Variants in ADCY7 observed in about 807,000 individuals in gnomAD.
The protein encoded by ADCY7 is adenylate cyclase 7.
A neutral mutation model predicts 120.6 loss-of-function variants in ADCY7; 72 were observed. The observed-to-expected ratio is 0.60, with a 90% confidence interval of 0.49 to 0.73. The LOEUF (loss-of-function observed/expected upper bound fraction) is 0.73. Ranked by LOEUF, ADCY7 falls within the 30% of genes least tolerant of loss-of-function variation. ADCY7 has a pLI of 0.00. For missense variants in ADCY7, 1,227 were observed against 1,486.0 expected (o/e 0.83, Z 2.87); for synonymous variants, 661 against 628.0 (o/e 1.05, Z -0.78).
rs529124262 is a variant in ADCY7 at position 50,247,197 on chromosome 16, G to A, written c.-64+994G>A. Reference sequence around the variant, plus strand: ...GGTTCAGTGAATGCCTTCAAACGTGGGCAGGTGCCCTTGTAGAAGGGAGTT... The same window carrying A: ...GGTTCAGTGAATGCCTTCAAACGTGAGCAGGTGCCCTTGTAGAAGGGAGTT... On this transcript the variant is annotated intron_variant, in intron 1 of 4. Transcript: ENST00000564044. Among the ~76,000 whole-genome samples the A allele has an allele frequency of 5.3e-5, 8 of 152,332 alleles. No individual in the cohort carries two copies. The South Asian group carries it at 1.7e-3, about 32-fold the overall frequency.
Position 50,311,863 on chromosome 16 carries a change from G to A in ADCY7, c.2448+77G>A. On this transcript the variant is annotated intron_variant, in intron 20 of 25. Transcript: ENST00000673801. ...CCTCCATCTGGAGATGGGGTGGGGT[G>A]GGGTGGGCTCAGGTGGAGTAGCAGA... 1.4e-6 allele frequency: 2 copies of A among 1,399,720 alleles called. 1 individual carries two copies. Among genetic ancestry groups the A allele is most frequent in the South Asian group, 2.3e-5 (2 of 85,852 alleles). 86.7% of individuals were successfully genotyped at this position (1,399,720 alleles called of 1,614,324 possible). A position where few individuals can be genotyped will look rare whatever the true frequency, so the allele number is the denominator to read the frequency against.
Position 50,305,537 on chromosome 16 carries a change from T to A in ADCY7, c.1630T>A (p.Ser544Thr), listed in dbSNP as rs1394994354. ...CCCCAAGGGGCGGTCGGAGGATGAC[T>A]CGTACGATGACGAGATGCTGTCAGC... ...MSPKGRSEDDSYDDEMLSAIE... is the reference protein window; with the variant it reads ...MSPKGRSEDDTYDDEMLSAIE... The change falls in exon 13 of 26, where the codon TCG becomes ACG. Residue 544 changes from serine (S) to threonine (T), a missense_variant. Ser to Thr is a moderately conservative substitution (Grantham distance 58). Coordinates refer to ENST00000673801, the MANE Select transcript of ADCY7 (RefSeq NM_001114.5). 6.2e-7 allele frequency: 1 copy of A among 1,610,176 alleles called. No homozygotes were observed. The highest frequency in any genetic ancestry group is 1.1e-5 in the South Asian group (1 of 90,456).
rs2036829248 is a variant in ADCY7, at chr16:50,316,989, A to C, written c.*1484A>C. On this transcript the variant is annotated 3_prime_UTR_variant, in exon 26 of 26. Transcript: ENST00000673801. ...TACAGGGTTGCAGATTGGGTGACTG[A>C]CCAGACTTGTTGGGGTCCTGGGATG... The C allele has an allele frequency of 6.5e-6, 1 of 152,734 alleles. No homozygotes were observed. The highest frequency in any genetic ancestry group is 1.5e-5 in the Non-Finnish European group (1 of 68,028). 9.5% of individuals were successfully genotyped at this position (152,734 alleles called of 1,614,324 possible). A position where few individuals can be genotyped will look rare whatever the true frequency, so the allele number is the denominator to read the frequency against.
At chr16:50,298,092 C>A (rs1407066943) in intron 7 of ADCY7, among the ~76,000 whole-genome samples, 1 of 152,066 alleles carries the variant, frequency 6.6e-6, no homozygotes, top group Non-Finnish European at 1.5e-5. Flanking sequence ...CGCCGCTCTC[C>A]TACTCTGCCC....
intron 18 of ADCY7, among the ~76,000 whole-genome samples, chr16:50,309,993 C>T (rs998556482): frequency 6.6e-6 from 1 of 152,112 alleles, no homozygotes; most frequent in African/African-American, 2.4e-5. Flanking sequence ...CAGGGAGGGG[C>T]TTCATTAGGT....
At chr16:50,268,243 T>C (rs939545125) in intron 1 of ADCY7, among the ~76,000 whole-genome samples, 3 of 151,964 alleles carry the variant, frequency 2.0e-5, no homozygotes, top group Non-Finnish European at 4.4e-5. Context: ...GGACTACAGT[T>C]ACCACACCAC....
At position 50,275,339 on chromosome 16, in the gene ADCY7, T is replaced by C. The variant is rs952754073; in HGVS notation, c.-269+8659T>C. Among the ~76,000 whole-genome samples, 3 of 152,236 alleles carry C rather than the reference T, an allele frequency of 2.0e-5. No homozygotes were observed. The East Asian group carries it at 5.8e-4, about 29-fold the overall frequency. The stretch of plus-strand genomic sequence containing the variant: ...AGGTGGGTAAGTGGGGCCCCCAGCA[T>C]TAAAGAGCTTCATAGGCTGTCAATT... On this transcript the variant is annotated intron_variant, in intron 1 of 25. Transcript: ENST00000673801.
rs1339833878 is a variant in ADCY7 at position 50,291,676 on chromosome 16, G to A, written c.376-60G>A. 14 of 1,606,318 alleles carry A rather than the reference G, an allele frequency of 8.7e-6. No homozygotes were observed. The East Asian group carries it at 3.1e-4, about 36-fold the overall frequency. On this transcript the variant is annotated intron_variant, in intron 3 of 25. Coordinates refer to ENST00000673801, the MANE Select transcript of ADCY7 (RefSeq NM_001114.5). ...TGGGCTGCTGTGGTGCAGGGTTCCGGGGGCTGTACGGCCTGGGGCAGCATC... is the reference window on the plus strand; with the variant it reads ...TGGGCTGCTGTGGTGCAGGGTTCCGAGGGCTGTACGGCCTGGGGCAGCATC...
At chr16:50,275,971 C>G (rs2033863547) in intron 1 of ADCY7, among the ~76,000 whole-genome samples, 1 of 152,198 alleles carries the variant, frequency 6.6e-6, no homozygotes, top group African/African-American at 2.4e-5. Context: ...TGGTTTTTGG[C>G]CCAGTTTGTC....
chr16:50,278,872 CTCT>C (rs1379998907), intron 1 of ADCY7, among the ~76,000 whole-genome samples: 2,960 of 96,392 alleles, frequency 0.031, 79 homozygotes, highest in East Asian at 0.092. Flanking sequence ...CTCTCTCTCT[CTCT>C]TTTTTTTTTT....
At chr16:50,248,780 GT>G (rs1181841500) in intron 1 of ADCY7, among the ~76,000 whole-genome samples, 1 of 152,228 alleles carries the variant, frequency 6.6e-6, no homozygotes, top group African/African-American at 2.4e-5. Flanking sequence ...GCTGATGCCA[GT>G]TTCTGAATTT....
intron 1 of ADCY7, among the ~76,000 whole-genome samples, chr16:50,247,923 G>A (rs2032639753): frequency 6.6e-6 from 1 of 152,140 alleles, no homozygotes; most frequent in African/African-American, 2.4e-5. Context: ...AGCAGGGAGA[G>A]CTGAGGCTGC....
At position 50,289,943 on chromosome 16, in the gene ADCY7, C is replaced by A. The variant is rs1267522608; in HGVS notation, c.172-514C>A. On this transcript the variant is annotated intron_variant, in intron 2 of 25. Transcript: ENST00000673801. ...CTGTGTGCCAGCCCCCAGATCAGGC[C>A]TCTGCCCCCACGGACCTCCCGGATG... Among the ~76,000 whole-genome samples, 4 of 152,352 alleles carry A rather than the reference C, an allele frequency of 2.6e-5. No individual in the cohort carries two copies. The East Asian group carries it at 7.7e-4, about 29-fold the overall frequency.
At chr16:50,306,097 G>C (rs1222743792) in intron 14 of ADCY7, among the ~76,000 whole-genome samples, 2 of 152,224 alleles carry the variant, frequency 1.3e-5, no homozygotes, top group East Asian at 3.9e-4. Flanking sequence ...GGGTCTGCAA[G>C]ACTTTTGCTC....
intron 21 of ADCY7, 42 bp downstream of exon 21, chr16:50,312,233 G>C: frequency 6.2e-7 from 1 of 1,607,968 alleles, no homozygotes; most frequent in Non-Finnish European, 8.5e-7. Flanking sequence ...GGAGGCGGAC[G>C]GTCCAGGCGC....
intron 1 of ADCY7, among the ~76,000 whole-genome samples, chr16:50,268,617 G>A (rs551024361): frequency 2.0e-5 from 3 of 152,292 alleles, no homozygotes; most frequent in East Asian, 3.9e-4. Flanking sequence ...GCTGTTTTCC[G>A]GGTGATGAGG....
At chr16:50,285,147 A>G (rs8057103) in intron 1 of ADCY7, among the ~76,000 whole-genome samples, 2,619 of 152,378 alleles carry the variant, frequency 0.017, 69 homozygotes, top group African/African-American at 0.06. Flanking sequence ...AGCTGCCAAC[A>G]TTTAAAAATC....
At position 50,298,021 on chromosome 16, in the gene ADCY7, C is replaced by T. The variant is rs150154750; in HGVS notation, c.949-883C>T. Among the ~76,000 whole-genome samples, 52 of 152,142 alleles carry T rather than the reference C, an allele frequency of 3.4e-4. 3 individuals are homozygous for T. The highest frequency in any genetic ancestry group is 1.3e-3 in the African/African-American group (52 of 41,492). On this transcript the variant is annotated intron_variant, in intron 7 of 25. Coordinates refer to ENST00000673801, the MANE Select transcript of ADCY7 (RefSeq NM_001114.5). ...TGACGCAGCAGTGCCTCAGATGAACCTCAGAGGGCTCTCGGGGGTCCCCTT... is the reference window on the plus strand; with the variant it reads ...TGACGCAGCAGTGCCTCAGATGAACTTCAGAGGGCTCTCGGGGGTCCCCTT...
At chr16:50,312,277 A>G in intron 21 of ADCY7, 86 bp downstream of exon 21, 1 of 1,499,516 alleles carries the variant, frequency 6.7e-7, no homozygotes. Flanking sequence ...GCTGGAGTGC[A>G]TGCTGAGCTT....
Sources: gnomAD v4.1 joint callset for allele counts (sites outside exome capture counted in the v4.1 genomes callset) on GRCh38, gnomAD v4.1.1 for gene constraint, MANE v1.5 for transcripts, NCBI Gene and HGNC (gene_info 2026-07-23, HGNC 2026-07-21) for gene names.